POM121C: variants seen among roughly 807,000 people sequenced by gnomAD.
POM121C encodes POM121 transmembrane nucleoporin C, also known as nuclear envelope pore membrane protein POM 121C.
Under a neutral mutation model 66.4 loss-of-function variants are expected in POM121C, and 20 were observed. That is an observed-to-expected ratio of 0.30 (90% CI 0.21 to 0.44). POM121C has a LOEUF of 0.44. Ranked by LOEUF, POM121C falls within the 20% of genes least tolerant of loss-of-function variation. The pLI is 1.00. For missense variants in POM121C, 580 were observed against 1,225.7 expected, an observed-to-expected ratio of 0.47 and a Z score of 7.87; for synonymous variants, 286 against 528.0, an observed-to-expected ratio of 0.54 and a Z score of 6.28.
At chr7:75,474,988 T>C (rs1346939424) in intron 2 of POM121C, 74 bp downstream of exon 2, 5 of 1,488,338 alleles carry the variant, frequency 3.4e-6, no homozygotes, top group South Asian at 1.1e-5. Flanking sequence ...TAAATGGTGT[T>C]GCCACTTATT....
chr7:75,441,993 G>C (rs1554474083), intron 3 of POM121C, among the ~76,000 whole-genome samples: 1 of 151,844 alleles, frequency 6.6e-6, no homozygotes, highest in African/African-American at 2.4e-5. Flanking sequence ...GAGGCCAGGA[G>C]ACGGCTGGCA....
intron 3 of POM121C, among the ~76,000 whole-genome samples, chr7:75,455,836 C>A (rs1247231546): frequency 1.3e-5 from 2 of 152,186 alleles, no homozygotes; most frequent in African/African-American, 4.8e-5. Context: ...GGCCTGTGGG[C>A]TCTTTGAAGA....
At chr7:75,467,222 C>T in intron 3 of POM121C, among the ~76,000 whole-genome samples, 1 of 152,160 alleles carries the variant, frequency 6.6e-6, no homozygotes, top group East Asian at 1.9e-4. Flanking sequence ...AAATCTGGTG[C>T]TCAAGTATGT....
At position 75,464,998 on chromosome 7, in the gene POM121C, C is replaced by CTT. The variant is rs782029706; in HGVS notation, c.-152+9704_-152+9705dup. Among the ~76,000 whole-genome samples the CTT allele has an allele frequency of 7.5e-3, 1,006 of 133,914 alleles. 10 individuals are homozygous for CTT. The highest frequency in any genetic ancestry group is 0.025 in the African/African-American group (927 of 36,908). 87.9% of individuals were successfully genotyped at this position (133,914 alleles called of 152,430 possible). A position where few individuals can be genotyped will look rare whatever the true frequency, so the allele number is the denominator to read the frequency against. On this transcript the variant is annotated intron_variant, in intron 3 of 14. Coordinates refer to ENST00000615331, the MANE Select transcript of POM121C (RefSeq NM_001099415.3). ...AGATGAAACTATCCTGTCTACAGTT[C>CTT]TTTTTTTTTTTTTTGGATGGAGTTT... is the stretch of plus-strand genomic sequence containing the variant.
At position 75,422,157 on chromosome 7, in the gene POM121C, GAT is replaced by G. The variant is rs1246609828; in HGVS notation, c.2093_2094del (p.Tyr698SerfsTer13). On this transcript the variant is annotated frameshift_variant, in exon 13 of 15. Coordinates refer to ENST00000615331, the MANE Select transcript of POM121C (RefSeq NM_001099415.3). LOFTEE classifies it high-confidence loss of function. Reference sequence around the variant, plus strand: ...AATGCGGGCTGGGGGTTGGCTCCCGGATATGATGGGAGCGGGGACTTGGCGCT... The same window carrying G: ...AATGCGGGCTGGGGGTTGGCTCCCGGATGATGGGAGCGGGGACTTGGCGCT... Reference protein sequence around the residue: ...GSSAKSPLPSYPGANPQPAFG... With the variant: ...GSSAKSPLPSXPGANPQPAFG... 1 of 1,602,942 alleles carries G rather than the reference GAT, an allele frequency of 6.2e-7. No individual in the cohort carries two copies. The highest frequency in any genetic ancestry group is 2.2e-5 in the East Asian group (1 of 44,782).
chr7:75,462,873 C>T (rs1323034001), intron 3 of POM121C, among the ~76,000 whole-genome samples: 3 of 151,882 alleles, frequency 2.0e-5, no homozygotes, highest in African/African-American at 7.3e-5. Flanking sequence ...TACTGAAATT[C>T]AGACCTGCCC....
At chr7:75,484,260 G>A (rs1179706117) in intron 1 of POM121C, 4 of 1,598,210 alleles carry the variant, frequency 2.5e-6, no homozygotes, top group East Asian at 2.2e-5. Flanking sequence ...GATAGACCTA[G>A]AGGGGCAGAA....
chr7:75,446,952 TAGCCGATATGGCGCC>T (rs1741558299), intron 3 of POM121C, among the ~76,000 whole-genome samples: 1 of 125,968 alleles, frequency 7.9e-6, no homozygotes, highest in African/African-American at 3.1e-5. Flanking sequence ...AGCTTGCAGT[TAGCCGATATGGCGCC>T]ACTGCACTCC....
chr7:75,428,912 T>G (rs1253647168), intron 7 of POM121C, among the ~76,000 whole-genome samples: 1 of 151,656 alleles, frequency 6.6e-6, no homozygotes, highest in Non-Finnish European at 1.5e-5. Flanking sequence ...CCCAAGAGTT[T>G]TGAGACCAGC....
intron 3 of POM121C, among the ~76,000 whole-genome samples, chr7:75,460,929 C>G (rs71560452): frequency 6.6e-6 from 1 of 152,226 alleles, no homozygotes; most frequent in South Asian, 2.1e-4. Flanking sequence ...AAGATTTTAT[C>G]AAAGAGACAA....
intron 7 of POM121C, among the ~76,000 whole-genome samples, chr7:75,433,702 T>G (rs1474833051): frequency 6.6e-6 from 1 of 152,170 alleles, no homozygotes; most frequent in Non-Finnish European, 1.5e-5. Context: ...ACTATACAAT[T>G]CTGACCCTTG....
chr7:75,455,862 G>A lies in POM121C; in HGVS notation c.-151-14215C>T, dbSNP rs1296902302. Among the ~76,000 whole-genome samples the A allele has an allele frequency of 1.3e-3, 191 of 152,072 alleles. 1 individual carries two copies. Among genetic ancestry groups the A allele is most frequent in the African/African-American group, 4.5e-3 (186 of 41,402 alleles). On this transcript the variant is annotated intron_variant, in intron 3 of 14. Coordinates refer to ENST00000615331, the MANE Select transcript of POM121C (RefSeq NM_001099415.3). ...TCTTTGAAGACATGGGCTGTATCTCGCCTATCTTTTGATCCCTCACATAGG... is the reference window on the plus strand; with the variant it reads ...TCTTTGAAGACATGGGCTGTATCTCACCTATCTTTTGATCCCTCACATAGG...
At chr7:75,450,056 G>C (rs1790970126) in intron 3 of POM121C, among the ~76,000 whole-genome samples, 1 of 151,944 alleles carries the variant, frequency 6.6e-6, no homozygotes, top group Admixed American at 6.6e-5. Context: ...GAGACGTGCA[G>C]AGAAAAGGTC....
Position 75,472,754 on chromosome 7 carries a change from C to T in POM121C, c.-152+1950G>A, listed in dbSNP as rs187381777. 3.0e-3 allele frequency among the ~76,000 whole-genome samples: 454 copies of T among 151,268 alleles called. 3 individuals are homozygous for T. The highest frequency in any genetic ancestry group is 4.7e-3 in the Non-Finnish European group (320 of 67,872). ...CTGGGAGACAGAGGCTGCAGTGAGCCGAGATCATGCCATTGCACTCCAGCC... is the reference window on the plus strand; with the variant it reads ...CTGGGAGACAGAGGCTGCAGTGAGCTGAGATCATGCCATTGCACTCCAGCC... On this transcript the variant is annotated intron_variant, in intron 3 of 14. Coordinates refer to ENST00000615331, the MANE Select transcript of POM121C (RefSeq NM_001099415.3).
At chr7:75,481,001 C>T (rs1239352307) in intron 1 of POM121C, among the ~76,000 whole-genome samples, 3 of 148,776 alleles carry the variant, frequency 2.0e-5, no homozygotes, top group Admixed American at 1.3e-4. Flanking sequence ...AGGCATGACA[C>T]GTTATACCCA....
rs1790468612 is a variant in POM121C at position 75,437,679 on chromosome 7, A to G, written c.316T>C (p.Ser106Pro). Residue 106 changes from serine (S) to proline (P), a missense_variant, in exon 7 of 15, where the codon TCT (serine) becomes CCT (proline). Transcript: ENST00000615331. The part of the protein sequence containing the change: ...VPASFVPKPG[S>P]LKRGLNSQSS... ...TGAGAATTGAGGCCTCTCTTCAGAG[A>G]CCCAGGCCTAATAAAAGAGAAGACA... The G allele has an allele frequency of 6.3e-7, 1 of 1,595,952 alleles. No individual in the cohort carries two copies. Among genetic ancestry groups the G allele is most frequent in the South Asian group, 1.1e-5 (1 of 90,020 alleles).
intron 3 of POM121C, among the ~76,000 whole-genome samples, chr7:75,444,262 G>A (rs1790761919): frequency 7.8e-6 from 1 of 128,936 alleles, no homozygotes; most frequent in South Asian, 2.9e-4. Context: ...AAAAAAGGGG[G>A]GGGGGGGCGG....
chr7:75,437,107 CCT>C (rs1355303349), intron 7 of POM121C, among the ~76,000 whole-genome samples: 1 of 152,166 alleles, frequency 6.6e-6, no homozygotes, highest in Non-Finnish European at 1.5e-5. Context: ...TTCGAATCAC[CCT>C]CTGTCCGTTT....
In POM121C at chr7:75,441,728, A is replaced by C. The variant is rs1289540770; in HGVS notation, c.-151-81T>G. 9.5e-6 allele frequency: 12 copies of C among 1,265,934 alleles called. No homozygotes were observed. The African/African-American group carries it at 1.6e-4, about 17-fold the overall frequency. The allele number at this position is 1,265,934 out of a possible 1,614,324, so 78.4% of individuals were successfully genotyped here. A position where few individuals can be genotyped will look rare whatever the true frequency, so the allele number is the denominator to read the frequency against. The stretch of plus-strand genomic sequence containing the variant: ...TTAGACGGTTAAAAACCCACCAGTT[A>C]AGACATTTTCCAAAGAACTTAAATC... On this transcript the variant is annotated intron_variant, in intron 3 of 14. Transcript: ENST00000615331.
Sources: gnomAD v4.1 joint callset for allele counts (sites outside exome capture counted in the v4.1 genomes callset) on GRCh38, gnomAD v4.1.1 for gene constraint, MANE v1.5 for transcripts, NCBI Gene and HGNC (gene_info 2026-07-23, HGNC 2026-07-21) for gene names.